The following ARHGAP42 variants were observed in gnomAD, a reference collection of about 807,000 sequenced individuals.
ARHGAP42 encodes rho GTPase-activating protein 42.
In ARHGAP42, 63 loss-of-function variants were observed where a neutral mutation model predicts 125.0. The ratio of observed to expected loss-of-function variants is 0.50; its 90% CI spans 0.41 to 0.62. The LOEUF (loss-of-function observed/expected upper bound fraction) is 0.62, where lower values mean the gene tolerates loss of function less well. Ranked by LOEUF, ARHGAP42 falls within the 20% of genes least tolerant of loss-of-function variation. ARHGAP42 has a pLI of 0.00. For synonymous variants in ARHGAP42, 339 were observed against 351.0 expected, an observed-to-expected ratio of 0.97 and a Z score of 0.38; for missense variants, 766 against 1,024.2, an observed-to-expected ratio of 0.75 and a Z score of 3.44.
At position 100,988,812 on chromosome 11, in the gene ARHGAP42, T is replaced by C. The variant is rs574552916; in HGVS notation, c.*11T>C. On this transcript the variant is annotated 3_prime_UTR_variant, in exon 24 of 24. Coordinates refer to ENST00000298815, the MANE Select transcript of ARHGAP42 (RefSeq NM_152432.4). ...GTTGTCTTCCTCTAATACTATTTAG[T>C]GGATGGCAGTATCTTCATGGTATCC... 2 of 1,517,288 alleles carry C rather than the reference T, an allele frequency of 1.3e-6. No individual in the cohort carries two copies. Among genetic ancestry groups the C allele is most frequent in the African/African-American group, 2.8e-5 (2 of 72,522 alleles). The allele number at this position is 1,517,288 out of a possible 1,614,324, so 94.0% of individuals were successfully genotyped here. A position where few individuals can be genotyped will look rare whatever the true frequency, so the allele number is the denominator to read the frequency against.
chr11:100,896,516 T>G (rs1484714327), intron 4 of ARHGAP42, among the ~76,000 whole-genome samples: 3 of 152,242 alleles, frequency 2.0e-5, no homozygotes, highest in Non-Finnish European at 4.4e-5. Flanking sequence ...TTCCTGACTT[T>G]AAATGATTGC....
intron 4 of ARHGAP42, among the ~76,000 whole-genome samples, chr11:100,871,727 G>C (rs962668957): frequency 6.6e-6 from 1 of 152,182 alleles, no homozygotes; most frequent in African/African-American, 2.4e-5. Context: ...AGCATTTGCT[G>C]AACATCACTG....
chr11:100,906,432 G>T (rs1235633476), intron 4 of ARHGAP42, among the ~76,000 whole-genome samples: 2 of 152,084 alleles, frequency 1.3e-5, no homozygotes, highest in Non-Finnish European at 2.9e-5. Flanking sequence ...GATTTCTGAT[G>T]ATTTTTATGT....
chr11:100,722,200 A>AAC (rs1861770761), intron 1 of ARHGAP42, among the ~76,000 whole-genome samples: 6 of 152,142 alleles, frequency 3.9e-5, no homozygotes, highest in Non-Finnish European at 1.5e-5. Context: ...GACATATAAC[A>AAC]TTGAGCATCT....
chr11:100,795,827 A>G (rs1042853803), intron 3 of ARHGAP42, among the ~76,000 whole-genome samples: 4 of 152,234 alleles, frequency 2.6e-5, no homozygotes, highest in Non-Finnish European at 5.9e-5. Flanking sequence ...ATTGTTGGAA[A>G]GCATCTGTAG....
intron 2 of ARHGAP42, among the ~76,000 whole-genome samples, chr11:100,786,842 G>C (rs1241306951): frequency 6.6e-6 from 1 of 152,096 alleles, no homozygotes; most frequent in Non-Finnish European, 1.5e-5. Flanking sequence ...GCTGTGATAT[G>C]GTTTGGCTCT....
intron 1 of ARHGAP42, among the ~76,000 whole-genome samples, chr11:100,737,372 G>A (rs912414986): frequency 1.4e-4 from 21 of 152,280 alleles, no homozygotes; most frequent in African/African-American, 4.8e-5. Flanking sequence ...TAGGGTTGAC[G>A]TGGAGGTAGA....
At chr11:100,963,684 A>G (rs77102385) in intron 16 of ARHGAP42, among the ~76,000 whole-genome samples, 14,057 of 152,256 alleles carry the variant, frequency 0.092, 934 homozygotes, top group Non-Finnish European at 0.13. Flanking sequence ...CTTCATAGAA[A>G]TCTTTGTAAG....
chr11:100,856,817 G>A (rs1214865200), intron 3 of ARHGAP42, among the ~76,000 whole-genome samples: 1 of 151,984 alleles, frequency 6.6e-6, no homozygotes, highest in African/African-American at 2.4e-5. Flanking sequence ...CATTTTTTGA[G>A]AGCCTTCCAT....
chr11:100,939,612 C>T (rs520403), intron 8 of ARHGAP42, among the ~76,000 whole-genome samples: 133,155 of 152,188 alleles, frequency 0.87, 58,344 homozygotes, highest in East Asian at 1. Flanking sequence ...ATTCCCCTTC[C>T]GCACTGCAAA....
chr11:100,958,205 A>T (rs991765328), intron 12 of ARHGAP42, among the ~76,000 whole-genome samples: 5 of 152,044 alleles, frequency 3.3e-5, no homozygotes, highest in African/African-American at 9.7e-5. Context: ...TTCAAAAAGT[A>T]TTTTAAAATG....
intron 5 of ARHGAP42, among the ~76,000 whole-genome samples, chr11:100,914,135 A>G (rs1013282147): frequency 5.3e-5 from 8 of 152,034 alleles, no homozygotes; most frequent in South Asian, 2.1e-4. Context: ...GGGTTTCACC[A>G]TGTTAGTCAG....
At chr11:100,928,027 T>TTAGA (rs1419847596) in intron 6 of ARHGAP42, among the ~76,000 whole-genome samples, 4 of 152,210 alleles carry the variant, frequency 2.6e-5, no homozygotes, top group Non-Finnish European at 5.9e-5. Flanking sequence ...CATCTATGCA[T>TTAGA]TAGACTTAAA....
At chr11:100,821,031 A>C (rs991256462) in intron 3 of ARHGAP42, among the ~76,000 whole-genome samples, 1 of 151,966 alleles carries the variant, frequency 6.6e-6, no homozygotes, top group Non-Finnish European at 1.5e-5. Flanking sequence ...AGATGTAAGA[A>C]AAGGTATCTG....
chr11:100,988,043 G>C (rs182065929), intron 23 of ARHGAP42, among the ~76,000 whole-genome samples: 1 of 152,210 alleles, frequency 6.6e-6, no homozygotes, highest in South Asian at 2.1e-4. Flanking sequence ...CAGGAGAATG[G>C]CTTGAACCAG....
intron 4 of ARHGAP42, among the ~76,000 whole-genome samples, chr11:100,879,234 G>A (rs955812646): frequency 1.3e-4 from 20 of 152,134 alleles, no homozygotes; most frequent in African/African-American, 4.8e-4. Flanking sequence ...GCACTGCTCT[G>A]TATCACTTTT....
intron 3 of ARHGAP42, among the ~76,000 whole-genome samples, chr11:100,833,473 A>C (rs1864708680): frequency 6.6e-6 from 1 of 152,156 alleles, no homozygotes; most frequent in Admixed American, 6.6e-5. Context: ...TCATTGTTTC[A>C]GTGTGTGTCA....
intron 1 of ARHGAP42, among the ~76,000 whole-genome samples, chr11:100,768,079 C>T (rs1449513475): frequency 6.6e-6 from 1 of 152,026 alleles, no homozygotes; most frequent in African/African-American, 2.4e-5. Flanking sequence ...GGGGCTGCCA[C>T]AGTAAGTCCT....
chr11:100,763,142 C>G (rs910781558), intron 1 of ARHGAP42, among the ~76,000 whole-genome samples: 2 of 151,616 alleles, frequency 1.3e-5, no homozygotes, highest in Middle Eastern at 3.2e-3. Flanking sequence ...CCATGCCCAG[C>G]TAATTTTTTT....
Sources: allele counts gnomAD v4.1 joint callset (sites outside exome capture counted in the v4.1 genomes callset), GRCh38; gene constraint gnomAD v4.1.1; transcripts MANE v1.5; gene names NCBI Gene and HGNC (gene_info 2026-07-23, HGNC 2026-07-21).